Variants in KDM4B observed in about 807,000 individuals in gnomAD.
KDM4B encodes lysine demethylase 4B, also known as lysine-specific demethylase 4B.
A neutral mutation model predicts 125.2 loss-of-function variants in KDM4B; 32 were observed. That is an observed-to-expected ratio of 0.26 (90% CI 0.19 to 0.34). The LOEUF (loss-of-function observed/expected upper bound fraction) is 0.34, where lower values mean the gene tolerates loss of function less well. Ranked by LOEUF, KDM4B falls within the 10% of genes least tolerant of loss-of-function variation. The probability of loss-of-function intolerance (pLI) is 1.00; values close to 1 mark genes in which losing one functional copy is unlikely to be tolerated. For synonymous variants in KDM4B, 721 were observed against 677.9 expected, an observed-to-expected ratio of 1.06 and a Z score of -0.99; for missense variants, 1,190 against 1,577.7, an observed-to-expected ratio of 0.75 and a Z score of 4.16.
intron 1 of KDM4B, among the ~76,000 whole-genome samples, chr19:4,984,086 C>T (rs1217583078): frequency 2.0e-5 from 3 of 152,152 alleles, no homozygotes; most frequent in East Asian, 1.9e-4. Context: ...GTGCTCCTGG[C>T]GTGGGGTGGG....
In KDM4B at chr19:5,131,074, A is replaced by G. The variant is rs1442780463; in HGVS notation, c.1316-2A>G. ...CCTGACCTCCCTCTCCTCTTCCCAC[A>G]GAGGACGGGAGGGGCAAGCTGCGGC... is the stretch of plus-strand genomic sequence containing the variant. On this transcript the variant is annotated splice_acceptor_variant, in intron 11 of 22. Coordinates refer to ENST00000159111, the MANE Select transcript of KDM4B (RefSeq NM_015015.3). LOFTEE classifies it high-confidence loss of function. 6.6e-7 allele frequency: 1 copy of G among 1,503,936 alleles called. No homozygotes were observed. Among genetic ancestry groups the G allele is most frequent in the Admixed American group, 2.3e-5 (1 of 43,446 alleles). The allele number at this position is 1,503,936 out of a possible 1,614,324, so 93.2% of individuals were successfully genotyped here. A position where few individuals can be genotyped will look rare whatever the true frequency, so the allele number is the denominator to read the frequency against.
rs2036786874 is a variant in KDM4B, at chr19:5,040,713, G to GTCTGTGGCCTCCACCCTA, written c.318-423_318-422insCTGTGGCCTCCACCCTAT. ...CCACCCTGTCTGTGGCCTCCACCCT[G>GTCTGTGGCCTCCACCCTA]TTGCTCTCTGAGGTTCACGTGCCTT... is the stretch of plus-strand genomic sequence containing the variant. On this transcript the variant is annotated intron_variant, in intron 4 of 22. Transcript: ENST00000159111. Among the ~76,000 whole-genome samples the GTCTGTGGCCTCCACCCTA allele has an allele frequency of 2.0e-5, 3 of 152,174 alleles. No homozygotes were observed. The South Asian group carries it at 6.2e-4, about 32-fold the overall frequency.
intron 4 of KDM4B, among the ~76,000 whole-genome samples, chr19:5,040,522 C>T (rs2036777042): frequency 6.6e-6 from 1 of 152,198 alleles, no homozygotes; most frequent in South Asian, 2.1e-4. Flanking sequence ...GGTACACAGG[C>T]ACATCCATGT....
intron 1 of KDM4B, among the ~76,000 whole-genome samples, chr19:4,995,535 T>C (rs2035171932): frequency 6.6e-6 from 1 of 152,116 alleles, no homozygotes; most frequent in African/African-American, 2.4e-5. Flanking sequence ...TACCTTGGCC[T>C]CCCAAAGTGC....
chr19:5,017,283 C>T (rs2035922063), intron 2 of KDM4B, among the ~76,000 whole-genome samples: 1 of 152,180 alleles, frequency 6.6e-6, no homozygotes, highest in Non-Finnish European at 1.5e-5. Flanking sequence ...GGAAGAGGCT[C>T]TGGTCACGTG....
chr19:5,111,748 A>G (rs2145988910), intron 10 of KDM4B: 1 of 764,952 alleles, frequency 1.3e-6, no homozygotes, highest in Middle Eastern at 2.3e-4. Context: ...CCAGAGAGCA[A>G]ACATTTGTGA....
chr19:5,060,687 T>G (rs1388262899), intron 6 of KDM4B, among the ~76,000 whole-genome samples: 2 of 152,100 alleles, frequency 1.3e-5, no homozygotes, highest in Non-Finnish European at 2.9e-5. Context: ...CAGGCCGGTT[T>G]GACGGCAGGC....
chr19:5,137,691 G>T lies in KDM4B; in HGVS notation c.2441+15G>T. On this transcript the variant is annotated intron_variant, in intron 17 of 22. Transcript: ENST00000159111. ...ACCGATAGGAGGTGGGTGGCACCGC[G>T]CGTTGGGGCTGGAGGGCCGGAGGGG... The T allele has an allele frequency of 6.4e-7, 1 of 1,572,140 alleles. No individual in the cohort carries two copies.
chr19:5,015,320 C>T (rs574162219), intron 1 of KDM4B, among the ~76,000 whole-genome samples: 19 of 152,108 alleles, frequency 1.2e-4, no homozygotes, highest in East Asian at 7.8e-4. Context: ...GGCATGATCT[C>T]GGCTCACTGT....
intron 9 of KDM4B, among the ~76,000 whole-genome samples, chr19:5,102,500 C>A (rs1568298934): frequency 1.3e-5 from 2 of 152,100 alleles, no homozygotes; most frequent in Admixed American, 1.3e-4. Context: ...GAGGGTGGAG[C>A]TGGACACCCC....
At chr19:5,083,159 C>T (rs942999409) in intron 9 of KDM4B, among the ~76,000 whole-genome samples, 1 of 152,204 alleles carries the variant, frequency 6.6e-6, no homozygotes, top group Non-Finnish European at 1.5e-5. Context: ...GATTATTGGC[C>T]AGCAATTGGC....
chr19:5,150,429 C>A lies in KDM4B; in HGVS notation c.3093C>A (p.Pro1031=). Residue 1031 remains proline, a synonymous_variant, in exon 22 of 23, where the codon CCC becomes CCA. Coordinates refer to ENST00000159111, the MANE Select transcript of KDM4B (RefSeq NM_015015.3). ...GDIFTLEEEL[P]KRVRSRLSLS... ...TCTTCACCCTGGAGGAGGAGCTGCCCAAGAGGGTCCGCTCTCGGCTGGTGA... is the reference window on the plus strand; with the variant it reads ...TCTTCACCCTGGAGGAGGAGCTGCCAAAGAGGGTCCGCTCTCGGCTGGTGA... 6.4e-7 allele frequency: 1 copy of A among 1,550,888 alleles called. No homozygotes were observed. The highest frequency in any genetic ancestry group is 2.4e-5 in the East Asian group (1 of 40,906).
chr19:5,134,998 T>C (rs946503890), intron 14 of KDM4B, among the ~76,000 whole-genome samples: 7 of 152,064 alleles, frequency 4.6e-5, no homozygotes, highest in African/African-American at 1.2e-4. Flanking sequence ...CCAGGCAGAG[T>C]GTGGAGACTC....
chr19:4,970,825 A>T (rs2034231963), intron 1 of KDM4B, among the ~76,000 whole-genome samples: 1 of 150,234 alleles, frequency 6.7e-6, no homozygotes, highest in Admixed American at 6.7e-5. Flanking sequence ...GGTAGAGTCA[A>T]CTTCTGTCTG....
intron 1 of KDM4B, among the ~76,000 whole-genome samples, chr19:4,988,349 C>T (rs763692883): frequency 3.3e-5 from 5 of 152,086 alleles, no homozygotes; most frequent in African/African-American, 9.7e-5. Context: ...GATCTAGGCT[C>T]ACTGCAAGCT....
intron 1 of KDM4B, among the ~76,000 whole-genome samples, chr19:4,995,439 C>T (rs2035168575): frequency 6.6e-6 from 1 of 152,014 alleles, no homozygotes; most frequent in Admixed American, 6.6e-5. Flanking sequence ...CCACCACATC[C>T]AGCTAATTTT....
intron 1 of KDM4B, among the ~76,000 whole-genome samples, chr19:4,986,228 C>T (rs573636995): frequency 3.9e-5 from 6 of 152,288 alleles, no homozygotes; most frequent in East Asian, 3.9e-4. Flanking sequence ...AGGGGCTTCA[C>T]GAGCCACATT....
At chr19:4,988,978 C>G (rs2034940921) in intron 1 of KDM4B, among the ~76,000 whole-genome samples, 1 of 152,208 alleles carries the variant, frequency 6.6e-6, no homozygotes, top group Non-Finnish European at 1.5e-5. Flanking sequence ...TTAGTCACCT[C>G]ATTAGCACAC....
At chr19:5,039,161 T>G (rs906779294) in intron 3 of KDM4B, among the ~76,000 whole-genome samples, 1 of 152,158 alleles carries the variant, frequency 6.6e-6, no homozygotes, top group Non-Finnish European at 1.5e-5. Context: ...AAAAATGCCT[T>G]ACCAGGGCGC....
Sources: allele counts gnomAD v4.1 joint callset (sites outside exome capture counted in the v4.1 genomes callset), GRCh38; gene constraint gnomAD v4.1.1; transcripts MANE v1.5; gene names NCBI Gene and HGNC (gene_info 2026-07-23, HGNC 2026-07-21).